The following PIP4K2B variants were observed in gnomAD, a reference collection of about 807,000 sequenced individuals.
PIP4K2B encodes the protein phosphatidylinositol 5-phosphate 4-kinase type-2 beta.
PIP4K2B carries 3 observed loss-of-function variants against 42.0 expected under a neutral mutation model. That is an observed-to-expected ratio of 0.07 (90% CI 0.03 to 0.18). The LOEUF is 0.18. PIP4K2B is among the 10% of genes least tolerant of loss of function. The pLI is 1.00. For synonymous variants in PIP4K2B, 204 were observed against 210.1 expected (o/e 0.97, Z 0.25); for missense variants, 332 against 562.3 (o/e 0.59, Z 4.14).
intron 2 of PIP4K2B, 71 bp from the exon 3 acceptor site, chr17:38,784,410 T>A (rs559493998): frequency 9.4e-6 from 8 of 850,906 alleles, no homozygotes; most frequent in Non-Finnish European, 1.3e-5. Context: ...TATTATTATT[T>A]TTTGTAATAG....
chr17:38,774,699 G>A (rs931016809), intron 7 of PIP4K2B, among the ~76,000 whole-genome samples: 29 of 151,944 alleles, frequency 1.9e-4, no homozygotes, highest in African/African-American at 6.3e-4. Context: ...GAACCCGGGA[G>A]GCGGAGCTTG....
intron 5 of PIP4K2B, among the ~76,000 whole-genome samples, 163 bp downstream of exon 5, chr17:38,779,220 A>C (rs1909542500): frequency 6.6e-6 from 1 of 151,902 alleles, no homozygotes; most frequent in Admixed American, 6.5e-5. Context: ...CTGGACTTCA[A>C]ACTGCCTTTG....
chr17:38,777,546 T>C (rs1252989675), intron 7 of PIP4K2B, 141 bp downstream of exon 7: 20 of 646,490 alleles, frequency 3.1e-5, no homozygotes, highest in Non-Finnish European at 5.0e-5. Context: ...TAGGTGCCCA[T>C]AAGTGCCCAC....
chr17:38,787,768 T>G (rs1023916053), intron 1 of PIP4K2B, among the ~76,000 whole-genome samples: 1 of 152,148 alleles, frequency 6.6e-6, no homozygotes, highest in African/African-American at 2.4e-5. Context: ...TAATTTTTTT[T>G]TGTATTTTTA....
At chr17:38,792,933 A>AC (rs969147596) in intron 1 of PIP4K2B, 2 of 147,040 alleles carry the variant, frequency 1.4e-5, no homozygotes, top group Non-Finnish European at 3.0e-5. Context: ...TTCTCTAAAG[A>AC]TTTTTTTTTT....
intron 2 of PIP4K2B, among the ~76,000 whole-genome samples, chr17:38,786,582 A>G (rs1910023840): frequency 6.6e-6 from 1 of 152,220 alleles, no homozygotes; most frequent in Non-Finnish European, 1.5e-5. Context: ...CCCTGGGCCC[A>G]GCCACATGCC....
chr17:38,784,682 G>A (rs1909910846), intron 2 of PIP4K2B, among the ~76,000 whole-genome samples: 2 of 152,282 alleles, frequency 1.3e-5, no homozygotes, highest in Non-Finnish European at 2.9e-5. Flanking sequence ...GTGATTCTGA[G>A]CATGTAAAAG....
intron 1 of PIP4K2B, among the ~76,000 whole-genome samples, chr17:38,794,730 C>CAAA (rs1910545469): frequency 1.3e-5 from 2 of 150,430 alleles, no homozygotes; most frequent in African/African-American, 4.9e-5. Flanking sequence ...CAAAAGCACA[C>CAAA]ACAACAACAA....
intron 1 of PIP4K2B, among the ~76,000 whole-genome samples, chr17:38,791,952 G>A (rs1910365860): frequency 2.0e-5 from 3 of 151,534 alleles, no homozygotes; most frequent in South Asian, 2.1e-4. Flanking sequence ...AAAAATTAAC[G>A]GAGCATGATG....
At chr17:38,784,570 G>A (rs1356254691) in intron 2 of PIP4K2B, among the ~76,000 whole-genome samples, 1 of 152,106 alleles carries the variant, frequency 6.6e-6, no homozygotes, top group Non-Finnish European at 1.5e-5. Context: ...TCTTCAAAGT[G>A]TGGTCCACAG....
intron 7 of PIP4K2B, among the ~76,000 whole-genome samples, chr17:38,773,079 T>G (rs1429360324): frequency 6.6e-6 from 1 of 152,202 alleles, no homozygotes; most frequent in Non-Finnish European, 1.5e-5. Context: ...ACATGTCCCC[T>G]GCTGATAAGG....
intron 5 of PIP4K2B, 77 bp downstream of exon 5, chr17:38,779,306 A>C (rs769045341): frequency 7.2e-7 from 1 of 1,386,798 alleles, no homozygotes; most frequent in Non-Finnish European, 1.0e-6. Flanking sequence ...TCCCAATTAC[A>C]TGGAAGTTGG....
chr17:38,789,295 G>A (rs1910215805), intron 1 of PIP4K2B, among the ~76,000 whole-genome samples: 1 of 152,210 alleles, frequency 6.6e-6, no homozygotes, highest in Non-Finnish European at 1.5e-5. Context: ...GTGCAGAGAT[G>A]AGGGCAGATC....
chr17:38,785,227 G>A (rs1028070176), intron 2 of PIP4K2B, among the ~76,000 whole-genome samples: 2 of 152,148 alleles, frequency 1.3e-5, no homozygotes, highest in African/African-American at 2.4e-5. Flanking sequence ...CAGCTATCCT[G>A]TTTAGGGACC....
At chr17:38,780,350 C>A in intron 4 of PIP4K2B, 102 bp downstream of exon 4, 1 of 942,282 alleles carries the variant, frequency 1.1e-6, no homozygotes, top group Admixed American at 2.4e-5. Flanking sequence ...AAGCAGCTGC[C>A]ATTACCAGAG....
chr17:38,784,107 C>T (rs779524379), intron 3 of PIP4K2B, 136 bp downstream of exon 3: 10 of 598,894 alleles, frequency 1.7e-5, no homozygotes, highest in Admixed American at 3.0e-5. Context: ...GGGGAGAGAC[C>T]GCCTGGGCTG....
chr17:38,792,752 C>T (rs1910406004), intron 1 of PIP4K2B: 1 of 152,208 alleles, frequency 6.6e-6, no homozygotes, highest in Admixed American at 6.5e-5. Flanking sequence ...AAAGCAAGAA[C>T]TGCAACTCCA....
At chr17:38,775,939 C>A in intron 7 of PIP4K2B, 1 of 434,234 alleles carries the variant, frequency 2.3e-6, no homozygotes, top group South Asian at 1.6e-5. Flanking sequence ...TTATGCTAAG[C>A]AAAATAACAG....
At chr17:38,774,173 C>T (rs1909189900) in intron 7 of PIP4K2B, among the ~76,000 whole-genome samples, 1 of 152,168 alleles carries the variant, frequency 6.6e-6, no homozygotes, top group Admixed American at 6.5e-5. Context: ...GCCTGAGTGC[C>T]CAGACACTTG....
Sources: gnomAD v4.1 joint callset for allele counts (sites outside exome capture counted in the v4.1 genomes callset) on GRCh38, gnomAD v4.1.1 for gene constraint, MANE v1.5 for transcripts, NCBI Gene and HGNC (gene_info 2026-07-23, HGNC 2026-07-21) for gene names.